LAMA1: variants seen among roughly 807,000 people sequenced by gnomAD.
The protein encoded by LAMA1 is laminin subunit alpha 1.
LAMA1 carries 219 observed loss-of-function variants against 348.7 expected under a neutral mutation model. The ratio of observed to expected loss-of-function variants is 0.63; its 90% CI spans 0.56 to 0.70. The LOEUF (loss-of-function observed/expected upper bound fraction) is 0.70. LAMA1 is among the 30% of genes least tolerant of loss of function. The pLI is 0.00. For missense variants in LAMA1, 3,744 were observed against 3,888.0 expected, an observed-to-expected ratio of 0.96 and a Z score of 0.99; for synonymous variants, 1,487 against 1,491.0, an observed-to-expected ratio of 1.00 and a Z score of 0.06.
chr18:6,973,156 CTT>C lies in LAMA1; in HGVS notation c.6673_6674del (p.Lys2225ValfsTer7). The C allele has an allele frequency of 1.9e-6, 3 of 1,614,152 alleles. No homozygotes were observed. In the South Asian group the frequency reaches 3.3e-5, roughly 18 times the overall value. On this transcript the variant is annotated frameshift_variant, in exon 47 of 63. Coordinates refer to ENST00000389658, the MANE Select transcript of LAMA1 (RefSeq NM_005559.4). LOFTEE classifies it high-confidence loss of function. ...LSVKEMSSNQ[K>X]SPTKTSKSPG... ...GGGATTTACTTGTTTTTGTTGGTGACTTTTGATTTGAGCTCATTTCCTTTACA... is the reference window on the plus strand; with the variant it reads ...GGGATTTACTTGTTTTTGTTGGTGACTTGATTTGAGCTCATTTCCTTTACA...
rs746226346 is a variant in LAMA1 at position 7,013,996 on chromosome 18, C to T, written c.3182G>A (p.Gly1061Asp). 22 of 1,613,872 alleles carry T rather than the reference C, an allele frequency of 1.4e-5. No individual in the cohort carries two copies. The highest frequency in any genetic ancestry group is 1.9e-5 in the Non-Finnish European group (22 of 1,179,896). Residue 1061 changes from glycine to aspartate, a missense_variant, in exon 23 of 63, where the codon GGC becomes GAC. This residue lies in a region of LAMA1 where 1,529 missense variants were observed against 1,689.4 expected (regional missense o/e 0.91). Coordinates refer to ENST00000389658, the MANE Select transcript of LAMA1 (RefSeq NM_005559.4). ...STHHRCDVVT[G>D]HCQCKSKFGG... The stretch of plus-strand genomic sequence containing the variant: ...AAATTTTGACTTGCACTGGCAATGG[C>T]CGGTGACCACATCGCACCGATGATG...
rs1805502256 is a variant in LAMA1 at position 7,061,980 on chromosome 18, GAGGGGTGAGCAAAGGA to G, written c.346-11060_346-11045del. ...GCTCCTCCCTTGAGGACAGGTGGGGGAGGGGTGAGCAAAGGAACACTCCACATGGACACAGGACACT... is the reference window on the plus strand; with the variant it reads ...GCTCCTCCCTTGAGGACAGGTGGGGGACACTCCACATGGACACAGGACACT... On this transcript the variant is annotated intron_variant, in intron 3 of 62. Coordinates refer to ENST00000389658, the MANE Select transcript of LAMA1 (RefSeq NM_005559.4). Among the ~76,000 whole-genome samples the G allele has an allele frequency of 2.6e-5, 4 of 152,200 alleles. No homozygotes were observed. The South Asian group carries it at 8.3e-4, about 32-fold the overall frequency.
intron 16 of LAMA1, among the ~76,000 whole-genome samples, chr18:7,030,326 C>T (rs2057963030): frequency 6.6e-6 from 1 of 152,138 alleles, no homozygotes; most frequent in Non-Finnish European, 1.5e-5. Flanking sequence ...ATGCTCAGTG[C>T]TCTTCAAAAG....
intron 1 of LAMA1, among the ~76,000 whole-genome samples, chr18:7,088,860 G>A (rs1476582014): frequency 6.6e-6 from 1 of 152,054 alleles, no homozygotes; most frequent in East Asian, 1.9e-4. Flanking sequence ...TATGTCAAGA[G>A]GCTGGACACG....
At chr18:7,059,514 T>A (rs1365030222) in intron 3 of LAMA1, among the ~76,000 whole-genome samples, 5 of 152,196 alleles carry the variant, frequency 3.3e-5, no homozygotes, top group Non-Finnish European at 5.9e-5. Context: ...CAGACAGGAA[T>A]GTTCATGTGG....
At chr18:6,942,570 C>T (rs1247942619) in intron 62 of LAMA1, among the ~76,000 whole-genome samples, 2 of 151,970 alleles carry the variant, frequency 1.3e-5, no homozygotes, top group South Asian at 2.1e-4. Context: ...CCCGTCACCA[C>T]GTCCAGCTTA....
At chr18:7,077,162 CCTATAA>C (rs2058171911) in intron 3 of LAMA1, among the ~76,000 whole-genome samples, 2 of 151,462 alleles carry the variant, frequency 1.3e-5, no homozygotes, top group South Asian at 4.2e-4. Context: ...CCTAAAGCAG[CCTATAA>C]CTATATGTCT....
At chr18:7,052,855 C>T (rs2058067450) in intron 3 of LAMA1, among the ~76,000 whole-genome samples, 1 of 151,970 alleles carries the variant, frequency 6.6e-6, no homozygotes, top group Non-Finnish European at 1.5e-5. Flanking sequence ...CCCATCTCTA[C>T]TAAAACTACA....
At position 6,965,186 on chromosome 18, in the gene LAMA1, A is replaced by G; in HGVS notation, c.7195+102T>C. 5.6e-6 allele frequency: 8 copies of G among 1,430,404 alleles called. No homozygotes were observed. The South Asian group carries it at 9.2e-5, about 17-fold the overall frequency. 88.6% of individuals were successfully genotyped at this position (1,430,404 alleles called of 1,614,324 possible). ...CTGGCTTCCAAGTAGACTATCATTC[A>G]ATACCCAGGAAACTACTGTGGAAAA... On this transcript the variant is annotated intron_variant, in intron 50 of 62. Coordinates refer to ENST00000389658, the MANE Select transcript of LAMA1 (RefSeq NM_005559.4).
In LAMA1 at chr18:6,959,361, G is replaced by A. The variant is rs1307786295; in HGVS notation, c.7758C>T (p.Ile2586=). Residue 2586 remains isoleucine (I), a synonymous_variant, in exon 54 of 63, where the codon ATC becomes ATT. Transcript: ENST00000389658. ...GTCSDGQAHS[I]SLVRNRRIIT... Reference sequence around the variant, plus strand: ...AGTACCTCCGATTCCTGACCAAGGAGATGGAATGCGCTTGTCCATCACTGC... The same window carrying A: ...AGTACCTCCGATTCCTGACCAAGGAAATGGAATGCGCTTGTCCATCACTGC... 1 of 1,614,160 alleles carries A rather than the reference G, an allele frequency of 6.2e-7. No homozygotes were observed. Among genetic ancestry groups the A allele is most frequent in the Non-Finnish European group, 8.5e-7 (1 of 1,180,040 alleles).
chr18:6,952,515 C>A (rs2002237), intron 57 of LAMA1, among the ~76,000 whole-genome samples: 5 of 152,064 alleles, frequency 3.3e-5, no homozygotes, highest in African/African-American at 1.2e-4. Context: ...AGAGGGAGTG[C>A]AGCACAGAGG....
At chr18:7,109,445 TTTGGCTGGGTGGG>T (rs1381844216) in intron 1 of LAMA1, among the ~76,000 whole-genome samples, 1 of 152,194 alleles carries the variant, frequency 6.6e-6, no homozygotes, top group East Asian at 1.9e-4. Flanking sequence ...GGATGGCAAC[TTTGGCTGGGTGGG>T]AACTCCAATT....
At position 6,962,014 on chromosome 18, in the gene LAMA1, C is replaced by T. The variant is rs1417026357; in HGVS notation, c.7383G>A (p.Leu2461=). ...AGTCAAAGGTTGATCTGGATATTTC[C>T]AGGTTCTTGATGCAGCCCACAAAGC... ...TKSFVGCIKN[L]EISRSTFDLL... is the part of the protein sequence containing the mutation. The change falls in exon 52 of 63, where the codon CTG becomes CTA. Residue 2461 remains leucine (L), a synonymous_variant. Coordinates refer to ENST00000389658, the MANE Select transcript of LAMA1 (RefSeq NM_005559.4). 6.2e-7 allele frequency: 1 copy of T among 1,614,168 alleles called. No homozygotes were observed. Among genetic ancestry groups the T allele is most frequent in the South Asian group, 1.1e-5 (1 of 91,084 alleles).
At chr18:6,986,374 T>C in intron 36 of LAMA1, 27 bp from the exon 37 acceptor site, 1 of 1,602,394 alleles carries the variant, frequency 6.2e-7, no homozygotes, top group African/African-American at 1.3e-5. Flanking sequence ...GTTCACATAG[T>C]AAGTAAATGA....
chr18:6,982,500 G>T lies in LAMA1; in HGVS notation c.5887C>A (p.Pro1963Thr). 1 of 1,614,066 alleles carries T rather than the reference G, an allele frequency of 6.2e-7. No homozygotes were observed. Among genetic ancestry groups the T allele is most frequent in the Non-Finnish European group, 8.5e-7 (1 of 1,179,926 alleles). ...KEGNNLSRKL[P>T]GIALELSELR... ...ACCGTCCGAGCCACATACTGACCTG[G>T]AAGCTTCCTGCTGAGGTTGTTGCCT... is the stretch of plus-strand genomic sequence containing the variant. The change falls in exon 41 of 63, where the codon CCA becomes ACA. Residue 1963 changes from proline (P) to threonine (T), a missense_variant. By Grantham distance (38) the Pro-to-Thr change is conservative. Around this residue, in one of 3 missense-constraint regions of LAMA1, gnomAD observed 1,983 missense variants for 1,934.3 expected, o/e 1.03. Transcript: ENST00000389658.
At chr18:6,954,656 G>A (rs751222495) in intron 57 of LAMA1, 1 of 159,610 alleles carries the variant, frequency 6.3e-6, no homozygotes, top group African/African-American at 2.4e-5. Flanking sequence ...GCACAGAAAG[G>A]TCAGGTGTTA....
chr18:6,978,393 T>A lies in LAMA1; in HGVS notation c.6008-15A>T, dbSNP rs776963260. 6.2e-7 allele frequency: 1 copy of A among 1,610,526 alleles called. No individual in the cohort carries two copies. Among genetic ancestry groups the A allele is most frequent in the Non-Finnish European group, 8.5e-7 (1 of 1,177,360 alleles). The stretch of plus-strand genomic sequence containing the variant: ...GTCTCTTATACCTAAAATAAATGTA[T>A]ATAAAAGCATGCACTTCTGGTGCTT... On this transcript the variant is annotated splice_polypyrimidine_tract_variant and intron_variant, in intron 42 of 62. Transcript: ENST00000389658.
chr18:7,023,614 C>G (rs1416634942), intron 18 of LAMA1, among the ~76,000 whole-genome samples: 3 of 152,094 alleles, frequency 2.0e-5, no homozygotes, highest in Non-Finnish European at 4.4e-5. Context: ...TTTCCAGGGC[C>G]AACTCTGACC....
chr18:7,099,276 C>T (rs1009970757), intron 1 of LAMA1, among the ~76,000 whole-genome samples: 46 of 150,304 alleles, frequency 3.1e-4, no homozygotes, highest in African/African-American at 1.1e-3. Context: ...GCAGCATGCT[C>T]GTTAAGAGTC....
Sources: allele counts gnomAD v4.1 joint callset (sites outside exome capture counted in the v4.1 genomes callset), GRCh38; gene constraint gnomAD v4.1.1; regional missense constraint gnomAD v4.1.1; transcripts MANE v1.5; gene names NCBI Gene and HGNC (gene_info 2026-07-23, HGNC 2026-07-21).